The following DCHS2 variants were observed in gnomAD, a reference collection of about 807,000 sequenced individuals.
DCHS2 encodes protocadherin-23.
In DCHS2, 142 loss-of-function variants were observed where a neutral mutation model predicts 182.4. That is an observed-to-expected ratio of 0.78 (90% CI 0.68 to 0.89). DCHS2 has a LOEUF of 0.89. Among genes scored for constraint, DCHS2 ranks in the 40% least tolerant of loss-of-function variants. The pLI is 0.00. For missense variants in DCHS2, 4,319 were observed against 4,198.6 expected (o/e 1.03, Z -0.79); for synonymous variants, 1,740 against 1,663.3 (o/e 1.05, Z -1.12).
chr4:154,387,853 A>G (rs576312764), intron 1 of DCHS2, among the ~76,000 whole-genome samples: 1 of 152,266 alleles, frequency 6.6e-6, no homozygotes, highest in East Asian at 1.9e-4. Flanking sequence ...GTAAAAACAA[A>G]TAGCCAAAGG....
rs1736022694 is a variant in DCHS2, at chr4:154,320,653, A to G, written c.4746T>C (p.Thr1582=). 2 of 1,614,060 alleles carry G rather than the reference A, an allele frequency of 1.2e-6. No individual in the cohort carries two copies. The highest frequency in any genetic ancestry group is 8.5e-7 in the Non-Finnish European group (1 of 1,180,044). ...VSRLDRESIP[T]VILTVTASDQ... is the part of the protein sequence containing the mutation. ...CAGATGCTGTTACTGTCAGGATGACAGTTGGAATGCTTTCTCTGTCAAGAC... is the reference window on the plus strand; with the variant it reads ...CAGATGCTGTTACTGTCAGGATGACGGTTGGAATGCTTTCTCTGTCAAGAC... The change falls in exon 9 of 20, where the codon ACT becomes ACC. Residue 1582 remains threonine, a synonymous_variant. Coordinates refer to ENST00000357232, the MANE Select transcript of DCHS2 (RefSeq NM_001358235.2).
At chr4:154,237,303 T>C in intron 19 of DCHS2, 144 bp from the exon 20 acceptor site, 2 of 1,087,246 alleles carry the variant, frequency 1.8e-6, no homozygotes, top group Admixed American at 3.2e-5. Flanking sequence ...TGACTCCAAA[T>C]AGAAATACAA....
intron 1 of DCHS2, among the ~76,000 whole-genome samples, chr4:154,417,377 T>C (rs1732912083): frequency 1.3e-5 from 2 of 152,172 alleles, no homozygotes. Flanking sequence ...TTGGCCAAAT[T>C]CAAGAACTAT....
intron 1 of DCHS2, among the ~76,000 whole-genome samples, chr4:154,477,753 A>T (rs1440138810): frequency 6.6e-6 from 1 of 152,236 alleles, no homozygotes; most frequent in African/African-American, 2.4e-5. Context: ...ATAAATTTCC[A>T]CTTAAGATGA....
At chr4:154,260,590 C>T (rs948973762) in intron 14 of DCHS2, among the ~76,000 whole-genome samples, 6 of 152,304 alleles carry the variant, frequency 3.9e-5, no homozygotes, top group African/African-American at 7.2e-5. Context: ...ATCACGCATG[C>T]GGTTCCATCA....
At chr4:154,323,743 G>A (rs532362555) in intron 7 of DCHS2, among the ~76,000 whole-genome samples, 86 of 152,064 alleles carry the variant, frequency 5.7e-4, no homozygotes, top group African/African-American at 2.0e-3. Context: ...AAAAAATATT[G>A]TATAAAATTA....
At chr4:154,424,918 CAG>C (rs1227130262) in intron 1 of DCHS2, among the ~76,000 whole-genome samples, 3 of 152,202 alleles carry the variant, frequency 2.0e-5, no homozygotes, top group Non-Finnish European at 2.9e-5. Flanking sequence ...GCAACAGGTA[CAG>C]AGTCAAAGAT....
chr4:154,466,751 C>T (rs1037190742), intron 1 of DCHS2, among the ~76,000 whole-genome samples: 1 of 152,084 alleles, frequency 6.6e-6, no homozygotes, highest in Admixed American at 6.6e-5. Flanking sequence ...TCAAATGAGA[C>T]AATTATTCTT....
intron 17 of DCHS2, 132 bp from the exon 18 acceptor site, chr4:154,240,955 A>G (rs1397918388): frequency 7.2e-7 from 1 of 1,387,886 alleles, no homozygotes; most frequent in Non-Finnish European, 9.6e-7. Flanking sequence ...GATTTCTCAT[A>G]CAAAGCTCAT....
At position 154,234,556 on chromosome 4, in the gene DCHS2, C is replaced by CTGCTT; in HGVS notation, c.10091_10095dup (p.Glu3366LysfsTer25). ...TGGTTTCATATTTGAACTTCATCTT[C>CTGCTT]TGCTTTAAGTTCATGGCATGTACCA... On this transcript the variant is annotated frameshift_variant, in exon 20 of 20. Transcript: ENST00000357232. LOFTEE classifies it high-confidence loss of function. 6.2e-7 allele frequency: 1 copy of CTGCTT among 1,609,442 alleles called. No homozygotes were observed. The highest frequency in any genetic ancestry group is 1.1e-5 in the South Asian group (1 of 90,474).
Position 154,239,261 on chromosome 4 carries a change from C to A in DCHS2, c.7401G>T (p.Leu2467=). ...PESIPVGYSV[L]TLSATDLESN... is the part of the protein sequence containing the mutation. The stretch of plus-strand genomic sequence containing the variant: ...TTTCTAAGTCTGTGGCTGACAGAGT[C>A]AGCACTGAATACCCCACAGGTATTG... Residue 2467 remains leucine, a synonymous_variant, in exon 19 of 20, where the codon CTG becomes CTT. Transcript: ENST00000357232. 1 of 1,613,386 alleles carries A rather than the reference C, an allele frequency of 6.2e-7. No homozygotes were observed. The highest frequency in any genetic ancestry group is 1.1e-5 in the South Asian group (1 of 91,034).
chr4:154,373,929 G>A (rs762257790), intron 2 of DCHS2: 4 of 1,604,370 alleles, frequency 2.5e-6, no homozygotes, highest in East Asian at 2.3e-5. Flanking sequence ...CCTTCACCAG[G>A]GCTAAATGTG....
intron 1 of DCHS2, among the ~76,000 whole-genome samples, chr4:154,405,708 A>T (rs774917937): frequency 3.3e-5 from 5 of 152,202 alleles, no homozygotes; most frequent in Non-Finnish European, 7.3e-5. Flanking sequence ...CTCATTAGAA[A>T]CATGCTGTCC....
chr4:154,389,539 C>CT (rs1561084890), intron 1 of DCHS2, among the ~76,000 whole-genome samples: 1 of 60,332 alleles, frequency 1.7e-5, no homozygotes. Context: ...TATATATAAC[C>CT]TTTTTTTAAA....
intron 12 of DCHS2, among the ~76,000 whole-genome samples, chr4:154,302,862 C>T (rs1489936989): frequency 1.7e-5 from 2 of 114,794 alleles, no homozygotes; most frequent in Admixed American, 1.8e-4. Flanking sequence ...AATATATATA[C>T]GTGTATATAT....
rs1736033798 is a variant in DCHS2 at position 154,320,877 on chromosome 4, G to C, written c.4522C>G (p.Pro1508Ala). ...IDVEDQNDHS[P>A]SFQDELIVIS... Reference sequence around the variant, plus strand: ...ACAATGAGCTCATCCTGGAAAGATGGGGAATGGTCATTCTGATCTTCCACA... The same window carrying C: ...ACAATGAGCTCATCCTGGAAAGATGCGGAATGGTCATTCTGATCTTCCACA... Residue 1508 changes from proline to alanine, a missense_variant, in exon 9 of 20, where the codon CCA (proline) becomes GCA (alanine). Transcript: ENST00000357232. The C allele has an allele frequency of 6.2e-7, 1 of 1,613,978 alleles. No homozygotes were observed. The highest frequency in any genetic ancestry group is 1.1e-5 in the South Asian group (1 of 91,076).
intron 3 of DCHS2, among the ~76,000 whole-genome samples, chr4:154,365,710 C>T (rs1001231715): frequency 1.3e-5 from 2 of 151,752 alleles, no homozygotes; most frequent in African/African-American, 4.8e-5. Context: ...AGGGCAGTGG[C>T]GTGATCTCAG....
chr4:154,353,814 G>T (rs1317118097), intron 3 of DCHS2, among the ~76,000 whole-genome samples: 1 of 152,164 alleles, frequency 6.6e-6, no homozygotes, highest in Non-Finnish European at 1.5e-5. Flanking sequence ...AATTTCCTGG[G>T]CGATTAGCCA....
intron 1 of DCHS2, among the ~76,000 whole-genome samples, chr4:154,482,630 A>T (rs1243153319): frequency 6.6e-6 from 1 of 152,230 alleles, no homozygotes; most frequent in Non-Finnish European, 1.5e-5. Flanking sequence ...ATTATGTGCT[A>T]AGAGAATAAG....
Sources: gnomAD v4.1 joint callset for allele counts (sites outside exome capture counted in the v4.1 genomes callset) on GRCh38, gnomAD v4.1.1 for gene constraint, MANE v1.5 for transcripts, NCBI Gene and HGNC (gene_info 2026-07-23, HGNC 2026-07-21) for gene names.